The following ALPL variants were observed in gnomAD, a reference collection of about 807,000 sequenced individuals.
ALPL encodes the protein alkaline phosphatase, biomineralization associated.
ALPL carries 42 observed loss-of-function variants against 51.3 expected under a neutral mutation model. The ratio of observed to expected loss-of-function variants is 0.82; its 90% confidence interval spans 0.64 to 1.06. The LOEUF (loss-of-function observed/expected upper bound fraction) is 1.06, where lower values mean the gene tolerates loss of function less well. Ranked by LOEUF, ALPL falls within the 50% of genes least tolerant of loss-of-function variation. ALPL has a pLI of 0.00. For missense variants in ALPL, 589 were observed against 709.4 expected, an observed-to-expected ratio of 0.83 and a Z score of 1.93; for synonymous variants, 279 against 296.4, an observed-to-expected ratio of 0.94 and a Z score of 0.60.
At chr1:21,545,102 A>T (rs1254123948) in intron 1 of ALPL, among the ~76,000 whole-genome samples, 3 of 152,184 alleles carry the variant, frequency 2.0e-5, no homozygotes, top group African/African-American at 7.2e-5. Flanking sequence ...TCAATGTCTC[A>T]AAATTTAAAA....
At chr1:21,528,342 G>GTTTCTT (rs1558530952) in intron 1 of ALPL, among the ~76,000 whole-genome samples, 4 of 111,946 alleles carry the variant, frequency 3.6e-5, no homozygotes, top group Non-Finnish European at 5.4e-5. Context: ...GACCTATTCA[G>GTTTCTT]TTTTTTTTTT....
At chr1:21,558,698 C>A (rs548922113) in intron 2 of ALPL, among the ~76,000 whole-genome samples, 2 of 152,058 alleles carry the variant, frequency 1.3e-5, no homozygotes, top group African/African-American at 2.4e-5. Flanking sequence ...GGACCTGGGG[C>A]TGTCGGGATG....
intron 10 of ALPL, 138 bp downstream of exon 10, chr1:21,576,062 G>T: frequency 9.2e-7 from 1 of 1,083,986 alleles, no homozygotes. Context: ...AAGAGTTACT[G>T]GGGATGGGGA....
chr1:21,577,200 G>C (rs998970236), intron 11 of ALPL, among the ~76,000 whole-genome samples, 183 bp from the exon 12 acceptor site: 1 of 152,232 alleles, frequency 6.6e-6, no homozygotes, highest in African/African-American at 2.4e-5. Context: ...AGACTCCTGT[G>C]TCAGAACAGG....
intron 1 of ALPL, among the ~76,000 whole-genome samples, chr1:21,530,225 A>G (rs911971484): frequency 6.6e-6 from 1 of 152,278 alleles, no homozygotes; most frequent in East Asian, 1.9e-4. Flanking sequence ...AGTCCCAAAT[A>G]CTGAAAAGCA....
chr1:21,567,815 G>A (rs961381896), intron 6 of ALPL, among the ~76,000 whole-genome samples: 2 of 152,196 alleles, frequency 1.3e-5, no homozygotes, highest in Non-Finnish European at 2.9e-5. Flanking sequence ...TAAATGGTCT[G>A]ATTCTTATTC....
chr1:21,563,678 C>T (rs905312551), intron 5 of ALPL, among the ~76,000 whole-genome samples: 1 of 152,172 alleles, frequency 6.6e-6, no homozygotes, highest in Non-Finnish European at 1.5e-5. Context: ...AAGCTTTAGT[C>T]AGGGGCCAAG....
intron 1 of ALPL, among the ~76,000 whole-genome samples, chr1:21,551,884 C>A (rs901832084): frequency 4.0e-5 from 6 of 151,748 alleles, no homozygotes; most frequent in Non-Finnish European, 7.4e-5. Context: ...CGCTACCTCT[C>A]CCGGCTAATT....
chr1:21,519,628 C>G (rs1260952622), intron 1 of ALPL, among the ~76,000 whole-genome samples: 1 of 152,206 alleles, frequency 6.6e-6, no homozygotes, highest in Non-Finnish European at 1.5e-5. Flanking sequence ...GAAACCCTAT[C>G]TGTACTAAGA....
intron 1 of ALPL, among the ~76,000 whole-genome samples, chr1:21,550,931 C>A (rs968971130): frequency 6.6e-6 from 1 of 152,138 alleles, no homozygotes; most frequent in African/African-American, 2.4e-5. Flanking sequence ...ATCCAGCCTG[C>A]CGTAGATGGA....
Position 21,577,835 on chromosome 1 carries a change from A to C in ALPL, c.*187A>C. On this transcript the variant is annotated 3_prime_UTR_variant, in exon 12 of 12. Coordinates refer to ENST00000374840, the MANE Select transcript of ALPL (RefSeq NM_000478.6). ...GGAATCTTCCCCAAGGGCCAAACCC[A>C]CTTCTGGCCTCCAGCCTTTGCTCCC... 1.3e-6 allele frequency: 1 copy of C among 763,992 alleles called. No homozygotes were observed. Among genetic ancestry groups the C allele is most frequent in the Non-Finnish European group, 2.1e-6 (1 of 485,876 alleles). 47.3% of individuals were successfully genotyped at this position (763,992 alleles called of 1,614,324 possible).
At chr1:21,510,522 C>G (rs1006684049) in intron 1 of ALPL, among the ~76,000 whole-genome samples, 2 of 152,002 alleles carry the variant, frequency 1.3e-5, no homozygotes, top group South Asian at 4.1e-4. Flanking sequence ...TTTTTGAAGG[C>G]CTACCGTGCG....
chr1:21,551,780 C>CA (rs1644326977), intron 1 of ALPL, among the ~76,000 whole-genome samples: 1 of 129,228 alleles, frequency 7.7e-6, no homozygotes, highest in African/African-American at 3.0e-5. Flanking sequence ...GGCTGGAGTG[C>CA]AGTGGCGCGA....
chr1:21,573,472 GA>G (rs955871458), intron 8 of ALPL, among the ~76,000 whole-genome samples, 192 bp from the exon 9 acceptor site: 2 of 147,190 alleles, frequency 1.4e-5, no homozygotes, highest in Admixed American at 1.4e-4. Flanking sequence ...AAAGAAAAAA[GA>G]AAAAAAAAGG....
intron 6 of ALPL, among the ~76,000 whole-genome samples, chr1:21,567,615 C>T (rs919978134): frequency 1.4e-4 from 21 of 152,166 alleles, no homozygotes; most frequent in African/African-American, 4.6e-4. Context: ...GTGCCACAGC[C>T]GGAAAAGCCC....
In ALPL at chr1:21,577,678, G is replaced by A. The variant is rs1280871664; in HGVS notation, c.*30G>A. ...CCAGGGCCCGGGCACCCACAAGCCC[G>A]TGACAGATGCCAACTTCCCACACGG... is the stretch of plus-strand genomic sequence containing the variant. On this transcript the variant is annotated 3_prime_UTR_variant, in exon 12 of 12. Transcript: ENST00000374840. 9 of 1,586,702 alleles carry A rather than the reference G, an allele frequency of 5.7e-6. No homozygotes were observed. Among genetic ancestry groups the A allele is most frequent in the East Asian group, 2.3e-5 (1 of 43,976 alleles).
At chr1:21,517,908 C>T (rs1393913908) in intron 1 of ALPL, among the ~76,000 whole-genome samples, 2 of 151,960 alleles carry the variant, frequency 1.3e-5, no homozygotes, top group African/African-American at 4.8e-5. Flanking sequence ...CTCCAGACAG[C>T]CATTAGCAAC....
At chr1:21,560,062 T>C (rs1446271907) in intron 2 of ALPL, among the ~76,000 whole-genome samples, 1 of 152,224 alleles carries the variant, frequency 6.6e-6, no homozygotes, top group Non-Finnish European at 1.5e-5. Flanking sequence ...TCCTTTAAAT[T>C]TGACATATTA....
In ALPL at chr1:21,577,423, C is replaced by T; in HGVS notation, c.1350C>T (p.Arg450=). 1 of 1,613,150 alleles carries T rather than the reference C, an allele frequency of 6.2e-7. No individual in the cohort carries two copies. Among genetic ancestry groups the T allele is most frequent in the Non-Finnish European group, 8.5e-7 (1 of 1,179,958 alleles). The change falls in exon 12 of 12, where the codon CGC becomes CGT. Residue 450 remains arginine, a synonymous_variant. Coordinates refer to ENST00000374840, the MANE Select transcript of ALPL (RefSeq NM_000478.6). ...NYQAQSAVPL[R]HETHGGEDVA... ...AGGCGCAGTCTGCTGTGCCCCTGCGCCACGAGACCCACGGCGGGGAGGACG... is the reference window on the plus strand; with the variant it reads ...AGGCGCAGTCTGCTGTGCCCCTGCGTCACGAGACCCACGGCGGGGAGGACG...
Sources: allele counts gnomAD v4.1 joint callset (sites outside exome capture counted in the v4.1 genomes callset), GRCh38; gene constraint gnomAD v4.1.1; transcripts MANE v1.5; gene names NCBI Gene and HGNC (gene_info 2026-07-23, HGNC 2026-07-21).